ASIC2: variants seen among roughly 807,000 people sequenced by gnomAD.
ASIC2 encodes acid sensing ion channel subunit 2.
A neutral mutation model predicts 57.3 loss-of-function variants in ASIC2; 25 were observed. The ratio of observed to expected loss-of-function variants is 0.44; its 90% confidence interval spans 0.32 to 0.61. ASIC2 has a LOEUF of 0.61. Among genes scored for constraint, ASIC2 ranks in the 20% least tolerant of loss-of-function variants. ASIC2 has a pLI of 0.06. For synonymous variants in ASIC2, 319 were observed against 307.5 expected, an observed-to-expected ratio of 1.04 and a Z score of -0.39; for missense variants, 641 against 738.1, an observed-to-expected ratio of 0.87 and a Z score of 1.52.
intron 1 of ASIC2, among the ~76,000 whole-genome samples, chr17:33,339,906 C>A (rs1051100337): frequency 1.3e-5 from 2 of 152,142 alleles, no homozygotes; most frequent in African/African-American, 4.8e-5. Flanking sequence ...CATCACCCGA[C>A]CCCAACTGCT....
chr17:33,062,501 G>A (rs1434313153), intron 3 of ASIC2, among the ~76,000 whole-genome samples: 1 of 152,152 alleles, frequency 6.6e-6, no homozygotes, highest in African/African-American at 2.4e-5. Flanking sequence ...CTGAGTTCTA[G>A]TCTGATTGCA....
chr17:33,214,973 A>G (rs400060), intron 1 of ASIC2, among the ~76,000 whole-genome samples: 117,747 of 152,156 alleles, frequency 0.77, 46,346 homozygotes, highest in African/African-American at 0.91. Context: ...CAAGGGTTGA[A>G]TTCTTGCATC....
chr17:33,982,108 T>G (rs73990117), intron 1 of ASIC2, among the ~76,000 whole-genome samples: 70 of 152,312 alleles, frequency 4.6e-4, no homozygotes, highest in African/African-American at 1.7e-3. Context: ...GGGAGCAGAC[T>G]GGGCCTGCTT....
chr17:33,023,305 C>T (rs1009585706), intron 6 of ASIC2, among the ~76,000 whole-genome samples: 2 of 151,926 alleles, frequency 1.3e-5, no homozygotes, highest in Admixed American at 6.6e-5. Flanking sequence ...GGCTAACACA[C>T]GGTGAAACCC....
chr17:33,141,202 C>T (rs2092386329), intron 1 of ASIC2, among the ~76,000 whole-genome samples: 2 of 152,174 alleles, frequency 1.3e-5, no homozygotes, highest in African/African-American at 2.4e-5. Context: ...GGACTCCTCC[C>T]CAAGGGTGAA....
chr17:33,721,991 A>G (rs1240871393), intron 1 of ASIC2, among the ~76,000 whole-genome samples: 3 of 152,220 alleles, frequency 2.0e-5, no homozygotes, highest in African/African-American at 7.2e-5. Context: ...ATTTATCATC[A>G]TATCTAACAA....
chr17:33,630,173 T>C (rs2142026392), intron 1 of ASIC2, among the ~76,000 whole-genome samples: 1 of 152,312 alleles, frequency 6.6e-6, no homozygotes, highest in South Asian at 2.1e-4. Flanking sequence ...CCCAATCATC[T>C]GTAAGAACTT....
intron 1 of ASIC2, among the ~76,000 whole-genome samples, chr17:34,106,542 ATATC>A (rs562225945): frequency 1.0e-3 from 155 of 152,262 alleles, no homozygotes; most frequent in African/African-American, 3.3e-3. Flanking sequence ...TTTATCAATC[ATATC>A]TATCTATCCA....
chr17:33,892,420 A>T (rs1356888649), intron 1 of ASIC2, among the ~76,000 whole-genome samples: 1 of 152,192 alleles, frequency 6.6e-6, no homozygotes, highest in East Asian at 1.9e-4. Flanking sequence ...ATGCAGAGAC[A>T]GCATGCTGTG....
intron 1 of ASIC2, among the ~76,000 whole-genome samples, chr17:33,366,683 A>T (rs2032013189): frequency 6.6e-6 from 1 of 152,258 alleles, no homozygotes; most frequent in Non-Finnish European, 1.5e-5. Flanking sequence ...GAGGACAGAG[A>T]TTCTTATTGC....
At chr17:34,108,295 T>C (rs941239302) in intron 1 of ASIC2, among the ~76,000 whole-genome samples, 7 of 152,172 alleles carry the variant, frequency 4.6e-5, no homozygotes, top group Non-Finnish European at 8.8e-5. Flanking sequence ...TTTTTTTATA[T>C]AGTTGTAGGT....
At chr17:33,538,219 G>A (rs1470472365) in intron 1 of ASIC2, among the ~76,000 whole-genome samples, 1 of 152,180 alleles carries the variant, frequency 6.6e-6, no homozygotes, top group Non-Finnish European at 1.5e-5. Flanking sequence ...GACAGGAGAA[G>A]CAGGGTATGG....
intron 1 of ASIC2, among the ~76,000 whole-genome samples, chr17:33,907,322 T>A (rs1228340560): frequency 6.6e-6 from 1 of 152,216 alleles, no homozygotes; most frequent in African/African-American, 2.4e-5. Context: ...TAAGCTCTGG[T>A]TTTCTTCAAC....
intron 1 of ASIC2, among the ~76,000 whole-genome samples, chr17:33,117,671 G>A (rs1056849229): frequency 6.6e-6 from 1 of 152,242 alleles, no homozygotes; most frequent in Non-Finnish European, 1.5e-5. Context: ...CTGACAGCTA[G>A]TCAAGTCTGT....
At chr17:33,327,683 A>G (rs1490530584) in intron 1 of ASIC2, among the ~76,000 whole-genome samples, 1 of 152,232 alleles carries the variant, frequency 6.6e-6, no homozygotes, top group African/African-American at 2.4e-5. Context: ...TTCATTAGAA[A>G]AGACTCCTAC....
At chr17:34,051,850 C>CAG (rs1340275575) in intron 1 of ASIC2, 1 of 92,448 alleles carries the variant, frequency 1.1e-5, no homozygotes, top group African/African-American at 5.1e-5. Context: ...CACACACATA[C>CAG]ACACACACAG....
At chr17:33,611,389 G>A (rs1905406409) in intron 1 of ASIC2, among the ~76,000 whole-genome samples, 1 of 152,106 alleles carries the variant, frequency 6.6e-6, no homozygotes, top group Non-Finnish European at 1.5e-5. Context: ...AATAACCCTG[G>A]GATCCAGACC....
Position 33,106,412 on chromosome 17 carries a change from A to C in ASIC2, c.859+5505T>G, listed in dbSNP as rs1468764745. 3.3e-5 allele frequency among the ~76,000 whole-genome samples: 5 copies of C among 152,244 alleles called. No homozygotes were observed. The South Asian group carries it at 1.0e-3, about 32-fold the overall frequency. ...AAAAAAGTGTTTTTCATTGGAGTGC[A>C]TGAAGGATAGAAGGAGATGTGAAAG... On this transcript the variant is annotated intron_variant, in intron 2 of 9. Transcript: ENST00000225823.
At chr17:33,446,499 A>G (rs188042747) in intron 1 of ASIC2, among the ~76,000 whole-genome samples, 18 of 152,302 alleles carry the variant, frequency 1.2e-4, no homozygotes, top group Non-Finnish European at 1.9e-4. Flanking sequence ...TGGATTATCA[A>G]CTACCACGCT....
Sources: gnomAD v4.1 joint callset for allele counts (sites outside exome capture counted in the v4.1 genomes callset) on GRCh38, gnomAD v4.1.1 for gene constraint, MANE v1.5 for transcripts, NCBI Gene and HGNC (gene_info 2026-07-23, HGNC 2026-07-21) for gene names.